Variants in VPS13C observed in about 807,000 individuals in gnomAD.
VPS13C encodes the protein vacuolar protein sorting 13 homolog C.
In VPS13C, 358 loss-of-function variants were observed where a neutral mutation model predicts 456.8. That is an observed-to-expected ratio of 0.78 (90% CI 0.72 to 0.86). The LOEUF is 0.86. VPS13C is among the 40% of genes least tolerant of loss of function. The pLI, the probability that VPS13C is intolerant of heterozygous loss-of-function variation, is 0.00. For missense variants in VPS13C, 4,818 were observed against 4,385.4 expected, an observed-to-expected ratio of 1.10 and a Z score of -2.79; for synonymous variants, 1,578 against 1,486.7, an observed-to-expected ratio of 1.06 and a Z score of -1.41.
At chr15:61,979,371 A>T (rs2045804440) in intron 22 of VPS13C, among the ~76,000 whole-genome samples, 1 of 152,188 alleles carries the variant, frequency 6.6e-6, no homozygotes, top group South Asian at 2.1e-4. Context: ...GTCACTAAGA[A>T]GATTAAGGCT....
chr15:61,866,459 G>C (rs940221175), intron 81 of VPS13C: 3 of 984,298 alleles, frequency 3.0e-6, no homozygotes, highest in Non-Finnish European at 3.6e-6. Context: ...AGTTACAGGG[G>C]TTCTTAAAAG....
Position 61,941,762 on chromosome 15 carries a change from C to A in VPS13C, c.5453+1G>T, listed in dbSNP as rs1464717689. Reference sequence around the variant, plus strand: ...TACACAATTAGATTACATATTTATACCTTGACAGCTTCAACTGAGTGAGTT... The same window carrying A: ...TACACAATTAGATTACATATTTATAACTTGACAGCTTCAACTGAGTGAGTT... On this transcript the variant is annotated splice_donor_variant, in intron 46 of 84. Transcript: ENST00000644861. LOFTEE classifies it high-confidence loss of function. 1.9e-6 allele frequency: 3 copies of A among 1,605,658 alleles called. No homozygotes were observed. Among genetic ancestry groups the A allele is most frequent in the South Asian group, 1.1e-5 (1 of 90,094 alleles).
At position 61,915,772 on chromosome 15, in the gene VPS13C, AAGAC is replaced by A; in HGVS notation, c.8302_8305del (p.Val2768LeufsTer6). 1 of 1,614,192 alleles carries A rather than the reference AAGAC, an allele frequency of 6.2e-7. No homozygotes were observed. The stretch of plus-strand genomic sequence containing the variant: ...CTTGTTGATTAACCAATAGGGACTA[AAGAC>A]AGACAGCACCATCCGGCTGCCAATT... On this transcript the variant is annotated frameshift_variant, in exon 61 of 85. Transcript: ENST00000644861. LOFTEE classifies it high-confidence loss of function.
intron 14 of VPS13C, 109 bp downstream of exon 14, chr15:62,008,546 T>C (rs928074485): frequency 1.6e-6 from 1 of 608,010 alleles, no homozygotes; most frequent in South Asian, 4.2e-5. Flanking sequence ...TCTTGTCTCT[T>C]TTTTTAAAGT....
rs1196677240 is a variant in VPS13C at position 61,880,938 on chromosome 15, T to A, written c.9793A>T (p.Ile3265Phe). The A allele has an allele frequency of 3.1e-6, 5 of 1,606,064 alleles. No homozygotes were observed. The highest frequency in any genetic ancestry group is 4.2e-6 in the Non-Finnish European group (5 of 1,176,962). Residue 3265 changes from isoleucine (I) to phenylalanine (F), a missense_variant, in exon 72 of 85, where the codon ATT becomes TTT. This residue lies in a region of VPS13C where 4,552 missense variants were observed against 4,130.6 expected (regional missense o/e 1.10). Transcript: ENST00000644861. ...TCAATTTTTAAGGCCATTTCCTGAA[T>A]GAGGACCATAAAATACCTAAGAAAA... ...VLQFKYFMVL[I>F]QEMALKIDQG...
At chr15:62,046,630 G>A (rs1363918647) in intron 1 of VPS13C, among the ~76,000 whole-genome samples, 1 of 152,170 alleles carries the variant, frequency 6.6e-6, no homozygotes, top group Non-Finnish European at 1.5e-5. Flanking sequence ...CCCAATTGGT[G>A]GGCCAAGAGT....
rs549686655 is a variant in VPS13C at position 61,883,609 on chromosome 15, G to A, written c.9483+519C>T. Among the ~76,000 whole-genome samples, 33 of 152,210 alleles carry A rather than the reference G, an allele frequency of 2.2e-4. 1 individual carries two copies. In the South Asian group the frequency reaches 6.8e-3, roughly 32 times the overall value. ...GTGACTTTTAGTCTTAACTGTGTAA[G>A]GGCCTAGGTGGAGTGCATCTTTATT... is the stretch of plus-strand genomic sequence containing the variant. On this transcript the variant is annotated intron_variant, in intron 68 of 84. Coordinates refer to ENST00000644861, the MANE Select transcript of VPS13C (RefSeq NM_020821.3).
chr15:61,866,792 C>G, intron 81 of VPS13C: 1 of 980,986 alleles, frequency 1.0e-6, no homozygotes, highest in Non-Finnish European at 1.2e-6. Flanking sequence ...AAACATAAAA[C>G]ATTCAATTTA....
rs1451877240 is a variant in VPS13C, at chr15:61,934,303, G to C, written c.5784C>G (p.Leu1928=). Residue 1928 remains leucine, a synonymous_variant, in exon 49 of 85, where the codon CTC becomes CTG. Coordinates refer to ENST00000644861, the MANE Select transcript of VPS13C (RefSeq NM_020821.3). ...KEQEDWTDSK[L]SMNQIVSLQF... ...GGAGACTGACAATCTGGTTCATAGA[G>C]AGCTTTGAGTCTGTCCAATCTTCTT... is the stretch of plus-strand genomic sequence containing the variant. The C allele has an allele frequency of 3.1e-6, 5 of 1,591,718 alleles. No homozygotes were observed. Among genetic ancestry groups the C allele is most frequent in the Middle Eastern group, 3.4e-4 (2 of 5,970 alleles).
At chr15:61,865,582 G>A (rs1894490247) in intron 81 of VPS13C, 1 of 695,462 alleles carries the variant, frequency 1.4e-6, no homozygotes, top group Non-Finnish European at 1.8e-6. Context: ...ATATATGTGT[G>A]TATATGTGTG....
intron 15 of VPS13C, among the ~76,000 whole-genome samples, chr15:62,002,983 G>A (rs929423251): frequency 6.6e-6 from 1 of 152,136 alleles, no homozygotes; most frequent in African/African-American, 2.4e-5. Flanking sequence ...TTTTGGCTCA[G>A]GATTGACTTG....
chr15:62,010,436 G>A (rs1036295489), intron 13 of VPS13C, 36 bp downstream of exon 13: 3 of 1,530,924 alleles, frequency 2.0e-6, no homozygotes, highest in Non-Finnish European at 2.6e-6. Flanking sequence ...AAGATTCAAG[G>A]CTAATCAAAG....
chr15:61,904,791 A>G (rs1192619812), intron 66 of VPS13C, among the ~76,000 whole-genome samples: 2 of 152,142 alleles, frequency 1.3e-5, no homozygotes, highest in African/African-American at 4.8e-5. Context: ...ATGTAATATT[A>G]TTCAGTAATA....
Position 61,945,780 on chromosome 15 carries a change from T to C in VPS13C, c.5083A>G (p.Lys1695Glu), listed in dbSNP as rs928646469. 4.3e-6 allele frequency: 7 copies of C among 1,611,648 alleles called. No individual in the cohort carries two copies. The Admixed American group carries it at 5.0e-5, about 12-fold the overall frequency. ...ATACAACCCACTTTAAAACTAAGTT[T>C]GCCGTCTACTTTGGACATATCAGCA... is the stretch of plus-strand genomic sequence containing the variant. ...AYADMSKVDG[K>E]LSFKVGCIQI... Residue 1695 changes from lysine to glutamate, a missense_variant, in exon 45 of 85, where the codon AAA (lysine) becomes GAA (glutamate). Lys to Glu is a moderately conservative substitution (Grantham distance 56). This residue lies in a region of VPS13C where 4,552 missense variants were observed against 4,130.6 expected (regional missense o/e 1.10). Transcript: ENST00000644861.
chr15:61,974,047 T>C (rs2045632294), intron 25 of VPS13C, among the ~76,000 whole-genome samples: 1 of 152,166 alleles, frequency 6.6e-6, no homozygotes, highest in South Asian at 2.1e-4. Flanking sequence ...CTAGAACTTA[T>C]AAGCCTAACA....
In VPS13C at chr15:61,958,633, T is replaced by C; in HGVS notation, c.4140A>G (p.Lys1380=). The change falls in exon 37 of 85, where the codon AAA becomes AAG. Residue 1380 remains lysine, a synonymous_variant. Transcript: ENST00000644861. ...NLCEGTEDLD[K]VKPRVQETGE... is the part of the protein sequence containing the mutation. ...CTGTCTCTTGTACTCTTGGTTTCACTTTATCCAAGTCTTCAGTACCCTCAC... is the reference window on the plus strand; with the variant it reads ...CTGTCTCTTGTACTCTTGGTTTCACCTTATCCAAGTCTTCAGTACCCTCAC... 1 of 1,576,756 alleles carries C rather than the reference T, an allele frequency of 6.3e-7. No individual in the cohort carries two copies. The highest frequency in any genetic ancestry group is 1.9e-5 in the Admixed American group (1 of 51,820).
At chr15:62,048,826 G>T (rs992738076) in intron 1 of VPS13C, among the ~76,000 whole-genome samples, 1 of 152,120 alleles carries the variant, frequency 6.6e-6, no homozygotes, top group Admixed American at 6.5e-5. Flanking sequence ...TCTCGTTGTG[G>T]TTTTGATTTG....
chr15:61,882,422 C>T (rs548559116), intron 69 of VPS13C, among the ~76,000 whole-genome samples, 174 bp downstream of exon 69: 29 of 151,908 alleles, frequency 1.9e-4, no homozygotes, highest in African/African-American at 6.3e-4. Flanking sequence ...TTAACAGTCA[C>T]GAAGTTTATA....
chr15:62,045,518 T>C (rs910792663), intron 1 of VPS13C, among the ~76,000 whole-genome samples: 1 of 152,044 alleles, frequency 6.6e-6, no homozygotes, highest in Admixed American at 6.6e-5. Flanking sequence ...TATGGTTTGG[T>C]GTAACTGGAG....
Sources: gnomAD v4.1 joint callset for allele counts (sites outside exome capture counted in the v4.1 genomes callset) on GRCh38, gnomAD v4.1.1 for gene constraint, gnomAD v4.1.1 regional missense constraint, MANE v1.5 for transcripts, NCBI Gene and HGNC (gene_info 2026-07-23, HGNC 2026-07-21) for gene names.